Variants in RXRA observed in about 807,000 individuals in gnomAD.
RXRA encodes the protein retinoic acid receptor RXR-alpha.
A neutral mutation model predicts 44.5 loss-of-function variants in RXRA; 5 were observed. That is an observed-to-expected ratio of 0.11 (90% CI 0.06 to 0.24). The LOEUF is 0.24. Among genes scored for constraint, RXRA ranks in the 10% least tolerant of loss-of-function variants. RXRA has a pLI of 1.00. For missense variants in RXRA, 412 were observed against 646.5 expected (o/e 0.64, Z 3.93); for synonymous variants, 291 against 271.4 (o/e 1.07, Z -0.71).
intron 8 of RXRA, among the ~76,000 whole-genome samples, chr9:134,432,275 A>G (rs1051508101): frequency 6.6e-6 from 1 of 152,214 alleles, no homozygotes; most frequent in African/African-American, 2.4e-5. Flanking sequence ...CGCGGTTCAT[A>G]GTGTTCATCA....
rs368525976 is a variant in RXRA at position 134,386,450 on chromosome 9, A to G, written c.29-15182A>G. Among the ~76,000 whole-genome samples, 1,055 of 152,238 alleles carry G rather than the reference A, an allele frequency of 6.9e-3. 15 individuals are homozygous for G. The highest frequency in any genetic ancestry group is 0.024 in the African/African-American group (997 of 41,536). On this transcript the variant is annotated intron_variant, in intron 1 of 9. Transcript: ENST00000481739. ...CTGGGTGGGTGCCTGTGTCTTGCCT[A>G]TGGAGTGTGGGACTCATGGCATGTC...
chr9:134,331,536 A>C, intron 1 of RXRA, among the ~76,000 whole-genome samples: 1 of 152,156 alleles, frequency 6.6e-6, no homozygotes, highest in Non-Finnish European at 1.5e-5. Flanking sequence ...TCCCCCAAGG[A>C]TCATGGTGCT....
chr9:134,332,296 C>G (rs1554746759), intron 1 of RXRA, among the ~76,000 whole-genome samples: 1 of 152,128 alleles, frequency 6.6e-6, no homozygotes, highest in Non-Finnish European at 1.5e-5. Flanking sequence ...AGATTGGACC[C>G]CCGGGTCCCA....
At chr9:134,431,842 G>C (rs1292040944) in intron 7 of RXRA, 63 bp from the exon 8 acceptor site, 29 of 1,306,254 alleles carry the variant, frequency 2.2e-5, no homozygotes, top group Non-Finnish European at 3.2e-5. Flanking sequence ...GGGTATCTGG[G>C]GTGTGGCCCT....
rs1834912847 is a variant in RXRA at position 134,326,552 on chromosome 9, C to A, written c.-80C>A. 7.1e-6 allele frequency: 2 copies of A among 281,078 alleles called. No homozygotes were observed. The highest frequency in any genetic ancestry group is 1.0e-5 in the Non-Finnish European group (2 of 190,518). The allele number at this position is 281,078 out of a possible 1,614,324, so 17.4% of individuals were successfully genotyped here. A position where few individuals can be genotyped will look rare whatever the true frequency, so the allele number is the denominator to read the frequency against. On this transcript the variant is annotated 5_prime_UTR_variant, in exon 1 of 10. Coordinates refer to ENST00000481739, the MANE Select transcript of RXRA (RefSeq NM_002957.6). ...AGCCGCCGGCTCCCCGCCGCCCGGG[C>A]CCGGGCCGGCCGCGCCGGGGGCCGC... is the stretch of plus-strand genomic sequence containing the variant.
chr9:134,394,485 C>G (rs536148367), intron 1 of RXRA, among the ~76,000 whole-genome samples: 1 of 152,230 alleles, frequency 6.6e-6, no homozygotes, highest in East Asian at 1.9e-4. Context: ...CTGACTGAGG[C>G]TTGGAGAAGG....
chr9:134,362,056 C>T (rs1004818713), intron 1 of RXRA, among the ~76,000 whole-genome samples: 1 of 152,170 alleles, frequency 6.6e-6, no homozygotes, highest in African/African-American at 2.4e-5. Context: ...CCTGGAGCTG[C>T]CCCCTGGCTT....
At position 134,408,174 on chromosome 9, in the gene RXRA, G is replaced by A; in HGVS notation, c.305G>A (p.Ser102Asn). 1 of 1,588,622 alleles carries A rather than the reference G, an allele frequency of 6.3e-7. No individual in the cohort carries two copies. Among genetic ancestry groups the A allele is most frequent in the Non-Finnish European group, 8.6e-7 (1 of 1,167,446 alleles). The part of the protein sequence containing the change: ...PQLSSPMNPV[S>N]SSEDIKPPLG... Reference sequence around the variant, plus strand: ...CTCAGCTCACCTATGAACCCCGTCAGCAGCAGCGAGGACATCAAGCCCCCC... The same window carrying A: ...CTCAGCTCACCTATGAACCCCGTCAACAGCAGCGAGGACATCAAGCCCCCC... The change falls in exon 3 of 10, where the codon AGC becomes AAC. Residue 102 changes from serine (S) to asparagine (N), a missense_variant. Ser to Asn is a conservative substitution (Grantham distance 46, BLOSUM62 1). This residue lies in a region of RXRA where 156 missense variants were observed against 177.2 expected (regional missense o/e 0.88). Coordinates refer to ENST00000481739, the MANE Select transcript of RXRA (RefSeq NM_002957.6).
chr9:134,335,218 C>T lies in RXRA; in HGVS notation c.28+8559C>T, dbSNP rs544182009. On this transcript the variant is annotated intron_variant, in intron 1 of 9. Transcript: ENST00000481739. ...AACTGGTGAGGTAGGCTGCCCCATG[C>T]GATGAGTGAGCGCCCCTCTGAGTCA... Among the ~76,000 whole-genome samples the T allele has an allele frequency of 1.2e-4, 18 of 152,314 alleles. No homozygotes were observed. The South Asian group carries it at 2.5e-3, about 21-fold the overall frequency.
chr9:134,402,184 A>G (rs3132301), intron 2 of RXRA: 358,839 of 438,900 alleles, frequency 0.82, 147,811 homozygotes, highest in African/African-American at 0.95. Flanking sequence ...TGACTGGGGG[A>G]CTCAGCAGAG....
At position 134,426,332 on chromosome 9, in the gene RXRA, C is replaced by T. The variant is rs3118571; in HGVS notation, c.911-2776C>T. ...GATGGAGCACTTAGGAAGGTGAAGA[C>T]ACCCCAAAGGTTACTGTAAAGTGGG... On this transcript the variant is annotated intron_variant, in intron 6 of 9. Transcript: ENST00000481739. This position sits in a 1 kb window ranked among gnomAD's most constrained non-coding sequence, Gnocchi z 4.6. 0.62 allele frequency: 612,494 copies of T among 985,246 alleles called. 196,301 individuals carry two copies. The highest frequency in any genetic ancestry group is 0.69 in the East Asian group (6,065 of 8,802). 61.0% of individuals were successfully genotyped at this position (985,246 alleles called of 1,614,324 possible).
intron 1 of RXRA, among the ~76,000 whole-genome samples, chr9:134,359,617 C>A (rs1432175253): frequency 6.6e-6 from 1 of 152,188 alleles, no homozygotes; most frequent in Admixed American, 6.5e-5. Flanking sequence ...TGTGACCTAC[C>A]CCCTGCGGAT....
chr9:134,349,879 C>G lies in RXRA; in HGVS notation c.28+23220C>G, dbSNP rs1364383967. Among the ~76,000 whole-genome samples the G allele has an allele frequency of 6.6e-6, 1 of 152,124 alleles. No homozygotes were observed. Among genetic ancestry groups the G allele is most frequent in the African/African-American group, 2.4e-5 (1 of 41,430 alleles). ...GTAGGAGTCGGGTGGACAGTTTGCA[C>G]GATCTCATCCTGCCTGTGACACCTT... is the stretch of plus-strand genomic sequence containing the variant. On this transcript the variant is annotated intron_variant, in intron 1 of 9. Transcript: ENST00000481739. This position sits in a 1 kb window ranked among gnomAD's most constrained non-coding sequence, Gnocchi z 4.3.
intron 1 of RXRA, among the ~76,000 whole-genome samples, chr9:134,372,830 C>T (rs958154043): frequency 1.3e-5 from 2 of 152,350 alleles, no homozygotes; most frequent in South Asian, 2.1e-4. Context: ...TGACCCCAGG[C>T]GGTAGCTCAG....
At chr9:134,415,295 T>C (rs999804763) in intron 4 of RXRA, among the ~76,000 whole-genome samples, 6 of 151,946 alleles carry the variant, frequency 3.9e-5, no homozygotes, top group Non-Finnish European at 8.8e-5. Context: ...CTGGGGACCC[T>C]GGGCCCGGGG....
chr9:134,387,767 C>G (rs1406504250), intron 1 of RXRA, among the ~76,000 whole-genome samples: 1 of 152,250 alleles, frequency 6.6e-6, no homozygotes, highest in African/African-American at 2.4e-5. Context: ...CCCTGACTAG[C>G]TGGTGACCAT....
intron 1 of RXRA, among the ~76,000 whole-genome samples, chr9:134,400,805 C>T (rs1177315540): frequency 1.3e-5 from 2 of 152,208 alleles, no homozygotes; most frequent in Admixed American, 6.5e-5. Context: ...TCCTGGCACA[C>T]ACCAAGGCCT....
intron 1 of RXRA, among the ~76,000 whole-genome samples, chr9:134,375,665 C>T (rs1830546854): frequency 6.6e-6 from 1 of 152,134 alleles, no homozygotes; most frequent in African/African-American, 2.4e-5. Flanking sequence ...GCAGGTGGGC[C>T]CGGGGCCGGC....
Position 134,426,979 on chromosome 9 carries a change from C to T in RXRA, c.911-2129C>T. The T allele has an allele frequency of 1.0e-6, 1 of 985,248 alleles. No homozygotes were observed. The highest frequency in any genetic ancestry group is 1.2e-6 in the Non-Finnish European group (1 of 829,850). The allele number at this position is 985,248 out of a possible 1,614,324, so 61.0% of individuals were successfully genotyped here. A position where few individuals can be genotyped will look rare whatever the true frequency, so the allele number is the denominator to read the frequency against. On this transcript the variant is annotated intron_variant, in intron 6 of 9. Coordinates refer to ENST00000481739, the MANE Select transcript of RXRA (RefSeq NM_002957.6). This position sits in a 1 kb window ranked among gnomAD's most constrained non-coding sequence, Gnocchi z 4.6. ...CCCAGTGCCTCTCAGCCTGGGAAAA[C>T]CTGACGGGCTGAGCCGTAGGAGGGG...
Sources: allele counts gnomAD v4.1 joint callset (sites outside exome capture counted in the v4.1 genomes callset), GRCh38; gene constraint gnomAD v4.1.1; regional missense constraint gnomAD v4.1.1; non-coding constraint Gnocchi (gnomAD v3.1); transcripts MANE v1.5; gene names NCBI Gene and HGNC (gene_info 2026-07-23, HGNC 2026-07-21).